The following RAB26 variants were observed in gnomAD, a reference collection of about 807,000 sequenced individuals.
RAB26 encodes ras-related protein Rab-26.
Under a neutral mutation model 33.1 loss-of-function variants are expected in RAB26, and 39 were observed. The observed-to-expected ratio is 1.18, with a 90% CI of 0.91 to 1.54. The LOEUF is 1.54. Among genes scored for constraint, RAB26 ranks in the 40% most tolerant of loss-of-function variants. The probability of loss-of-function intolerance (pLI) is 0.00; values close to 1 mark genes in which losing one functional copy is unlikely to be tolerated. For missense variants in RAB26, 468 were observed against 362.9 expected (o/e 1.29, Z -2.35); for synonymous variants, 192 against 151.9 (o/e 1.26, Z -1.94).
At position 2,153,004 on chromosome 16, in the gene RAB26, G is replaced by T; in HGVS notation, c.550G>T (p.Glu184Ter). 6.3e-7 allele frequency: 1 copy of T among 1,595,484 alleles called. No homozygotes were observed. The highest frequency in any genetic ancestry group is 8.6e-7 in the Non-Finnish European group (1 of 1,168,214). ...CCTGGGCCAGGTGGACTCTGCCCAT[G>T]AGCGTGTGGTGAAGAGGGAGGACGG... is the stretch of plus-strand genomic sequence containing the variant. ...LLGNKVDSAH[E>*]RVVKREDGEK... The change falls in exon 7 of 9, where the codon GAG (glutamate) becomes TAG (stop). Residue 184 changes from glutamate to a stop codon, truncating the protein, a stop_gained. Transcript: ENST00000210187. LOFTEE classifies it high-confidence loss of function.
chr16:2,151,231 C>G, intron 2 of RAB26: 1 of 519,666 alleles, frequency 1.9e-6, no homozygotes, highest in South Asian at 1.6e-5. Context: ...TTCAAATTAG[C>G]AAAAAGAGCT....
intron 7 of RAB26, 30 bp from the exon 8 acceptor site, chr16:2,153,116 C>T (rs766318669): frequency 1.2e-6 from 2 of 1,613,236 alleles, no homozygotes; most frequent in Non-Finnish European, 1.7e-6. Context: ...CCCGCCAGGC[C>T]ACCACCTGGC....
chr16:2,152,499 G>A (rs972725578), intron 5 of RAB26, among the ~76,000 whole-genome samples: 5 of 151,992 alleles, frequency 3.3e-5, no homozygotes, highest in Admixed American at 6.6e-5. Context: ...GTGAAACCCC[G>A]TCTCTACTAA....
At position 2,151,682 on chromosome 16, in the gene RAB26, C is replaced by T; in HGVS notation, c.349-13C>T. 1 of 1,614,006 alleles carries T rather than the reference C, an allele frequency of 6.2e-7. No individual in the cohort carries two copies. Among genetic ancestry groups the T allele is most frequent in the South Asian group, 1.1e-5 (1 of 91,092 alleles). On this transcript the variant is annotated splice_polypyrimidine_tract_variant and intron_variant, in intron 3 of 8. Transcript: ENST00000210187. ...GAAGGGCTGGACAGCCTGACCAGTG[C>T]CTGTCGCTGCAGATGTGGGACACAG...
At position 2,151,843 on chromosome 16, in the gene RAB26, CCT is replaced by C. The variant is rs770416075; in HGVS notation, c.416-10_416-9del. 83 of 1,614,078 alleles carry C rather than the reference CCT, an allele frequency of 5.1e-5. No homozygotes were observed. The highest frequency in any genetic ancestry group is 2.1e-4 in the African/African-American group (16 of 75,048). ...AGGTGATGGTGGATGTCCTCACTGC[CCT>C]CTGTCCCCAGCTCTGCTGCTGCTCT... On this transcript the variant is annotated splice_polypyrimidine_tract_variant and intron_variant, in intron 4 of 8. Coordinates refer to ENST00000210187, the MANE Select transcript of RAB26 (RefSeq NM_014353.5).
At position 2,149,960 on chromosome 16, in the gene RAB26, CG is replaced by C. The variant is rs1333254197; in HGVS notation, c.218del (p.Gly73ValfsTer25). On this transcript the variant is annotated frameshift_variant, in exon 2 of 9. Transcript: ENST00000210187. LOFTEE classifies it high-confidence loss of function. ...TCCTAGGTCATGCTGGTGGGGGACT[CG>C]GGTGTGGGGAAGACCTGTCTGCTGG... is the stretch of plus-strand genomic sequence containing the variant. ...VAFKVMLVGD[S>X]GVGKTCLLVR... The C allele has an allele frequency of 6.5e-7, 1 of 1,538,000 alleles. No homozygotes were observed. The highest frequency in any genetic ancestry group is 1.4e-5 in the African/African-American group (1 of 72,200).
At chr16:2,150,539 T>C (rs1313907356) in intron 2 of RAB26, among the ~76,000 whole-genome samples, 1 of 146,644 alleles carries the variant, frequency 6.8e-6, no homozygotes, top group Non-Finnish European at 1.5e-5. Flanking sequence ...TAAATTTGCA[T>C]TTTTCTCACC....
chr16:2,152,887 TG>T lies in RAB26; in HGVS notation c.534+5del. The T allele has an allele frequency of 6.2e-7, 1 of 1,602,994 alleles. No individual in the cohort carries two copies. The highest frequency in any genetic ancestry group is 1.1e-5 in the South Asian group (1 of 90,124). ...GCGCTCATGCTGCTGGGGAACAAGGTGGGAGGCCCGGCTGTCCTCACCTGGG... is the reference window on the plus strand; with the variant it reads ...GCGCTCATGCTGCTGGGGAACAAGGTGGAGGCCCGGCTGTCCTCACCTGGG... On this transcript the variant is annotated splice_donor_region_variant and intron_variant, in intron 6 of 8. Transcript: ENST00000210187.
rs2093014729 is a variant in RAB26 at position 2,153,617 on chromosome 16, GCA to G, written c.*200_*201del. 1 of 665,514 alleles carries G rather than the reference GCA, an allele frequency of 1.5e-6. No individual in the cohort carries two copies. Among genetic ancestry groups the G allele is most frequent in the African/African-American group, 1.8e-5 (1 of 56,162 alleles). 41.2% of individuals were successfully genotyped at this position (665,514 alleles called of 1,614,324 possible). On this transcript the variant is annotated 3_prime_UTR_variant, in exon 9 of 9. Transcript: ENST00000210187. ...AGCAGGCTTCTGAGAGCCCGTGGCC[GCA>G]CACTGGCCGCCACGGAAAAGCAGTC...
intron 5 of RAB26, 60 bp downstream of exon 5, chr16:2,151,968 C>T (rs377295102): frequency 6.3e-7 from 1 of 1,595,036 alleles, no homozygotes; most frequent in South Asian, 1.1e-5. Flanking sequence ...ATCCCAACCT[C>T]CTTCTGGTAG....
Position 2,151,927 on chromosome 16 carries a change from G to A in RAB26, c.468+19G>A. 3 of 1,613,996 alleles carry A rather than the reference G, an allele frequency of 1.9e-6. No homozygotes were observed. Among genetic ancestry groups the A allele is most frequent in the East Asian group, 2.2e-5 (1 of 44,884 alleles). Reference sequence around the variant, plus strand: ...CATCCAGGTCAGTGGCTTTCCTGGTGGGGTGAAAGGGCCCTGATAGGGCCT... The same window carrying A: ...CATCCAGGTCAGTGGCTTTCCTGGTAGGGTGAAAGGGCCCTGATAGGGCCT... On this transcript the variant is annotated intron_variant, in intron 5 of 8. Transcript: ENST00000210187.
At chr16:2,153,071 G>C (rs916842082) in intron 7 of RAB26, 26 bp downstream of exon 7, 2 of 1,611,816 alleles carry the variant, frequency 1.2e-6, no homozygotes, top group Non-Finnish European at 1.7e-6. Context: ...GGGGTGGTGA[G>C]GGGGTGCCCC....
intron 7 of RAB26, 41 bp from the exon 8 acceptor site, chr16:2,153,094 GCCTAGGCTGTC>G: frequency 1.2e-6 from 2 of 1,613,206 alleles, no homozygotes; most frequent in Non-Finnish European, 1.7e-6. Context: ...GAGGCTGCGA[GCCTAGGCTGTC>G]CCCGCCAGGC....
rs577728622 is a variant in RAB26 at position 2,148,863 on chromosome 16, G to C, written c.80G>C (p.Arg27Pro). 2.1e-6 allele frequency: 3 copies of C among 1,405,724 alleles called. No homozygotes were observed. The highest frequency in any genetic ancestry group is 3.0e-5 in the African/African-American group (2 of 66,984). The allele number at this position is 1,405,724 out of a possible 1,614,324, so 87.1% of individuals were successfully genotyped here. ...ASTLPTANGA[R>P]PARSGTALSG... The stretch of plus-strand genomic sequence containing the variant: ...ACGCTGCCCACCGCCAACGGGGCCC[G>C]ACCGGCGCGCTCCGGGACTGCGCTT... Residue 27 changes from arginine to proline, a missense_variant, in exon 1 of 9, where the codon CGA becomes CCA. Arg to Pro is a moderately radical substitution (Grantham distance 103). Transcript: ENST00000210187.
rs1217172704 is a variant in RAB26 at position 2,152,879 on chromosome 16, G to A, written c.528G>A (p.Gly176=). The change falls in exon 6 of 9, where the codon GGG becomes GGA. Residue 176 remains glycine (G), a synonymous_variant. Transcript: ENST00000210187. ...AQHDVALMLL[G]NKVDSAHERV... ...ACGACGTGGCGCTCATGCTGCTGGG[G>A]AACAAGGTGGGAGGCCCGGCTGTCC... The A allele has an allele frequency of 6.2e-7, 1 of 1,605,970 alleles. No individual in the cohort carries two copies. The highest frequency in any genetic ancestry group is 8.5e-7 in the Non-Finnish European group (1 of 1,176,032).
At chr16:2,151,278 T>G (rs1254100348) in intron 2 of RAB26, 5 of 574,990 alleles carry the variant, frequency 8.7e-6, no homozygotes, top group African/African-American at 7.4e-5. Flanking sequence ...CGTTAGTTAC[T>G]GCACCCATTT....
At position 2,148,704 on chromosome 16, in the gene RAB26, G is replaced by C; in HGVS notation, c.-80G>C. 1 of 1,176,556 alleles carries C rather than the reference G, an allele frequency of 8.5e-7. No individual in the cohort carries two copies. The highest frequency in any genetic ancestry group is 1.1e-6 in the Non-Finnish European group (1 of 945,390). The allele number at this position is 1,176,556 out of a possible 1,614,324, so 72.9% of individuals were successfully genotyped here. A position where few individuals can be genotyped will look rare whatever the true frequency, so the allele number is the denominator to read the frequency against. Reference sequence around the variant, plus strand: ...CGCCAGGGGAAGGGTTCGGGTCCGGGTCGGGCTCGGCGGGCGCGGGGTGCG... The same window carrying C: ...CGCCAGGGGAAGGGTTCGGGTCCGGCTCGGGCTCGGCGGGCGCGGGGTGCG... On this transcript the variant is annotated 5_prime_UTR_variant, in exon 1 of 9. Coordinates refer to ENST00000210187, the MANE Select transcript of RAB26 (RefSeq NM_014353.5).
rs749035236 is a variant in RAB26, at chr16:2,153,011, T to C, written c.557T>C (p.Val186Ala). The change falls in exon 7 of 9, where the codon GTG (valine) becomes GCG (alanine). Residue 186 changes from valine to alanine, a missense_variant. Transcript: ENST00000210187. ...CAGGTGGACTCTGCCCATGAGCGTG[T>C]GGTGAAGAGGGAGGACGGGGAGAAG... ...GNKVDSAHERVVKREDGEKLA... is the reference protein window; with the variant it reads ...GNKVDSAHERAVKREDGEKLA... 8.1e-6 allele frequency: 13 copies of C among 1,596,570 alleles called. No individual in the cohort carries two copies. The highest frequency in any genetic ancestry group is 1.7e-5 in the Admixed American group (1 of 59,206).
upstream of RAB26, chr16:2,148,420 CA>C (rs1490340461): frequency 2.0e-5 from 3 of 152,252 alleles, no homozygotes; most frequent in Admixed American, 6.5e-5. Flanking sequence ...CCAGGCCTGT[CA>C]CCCCACAGCT....
Sources: allele counts gnomAD v4.1 joint callset (sites outside exome capture counted in the v4.1 genomes callset), GRCh38; gene constraint gnomAD v4.1.1; transcripts MANE v1.5; gene names NCBI Gene and HGNC (gene_info 2026-07-23, HGNC 2026-07-21).